IGSF11: variants seen among roughly 807,000 people sequenced by gnomAD.
IGSF11 encodes CXADR like 1.
A neutral mutation model predicts 41.0 loss-of-function variants in IGSF11; 22 were observed. The observed-to-expected ratio is 0.54, with a 90% CI of 0.38 to 0.77. IGSF11 has a LOEUF of 0.77. Among genes scored for constraint, IGSF11 ranks in the 30% least tolerant of loss-of-function variants. IGSF11 has a pLI of 0.00. For missense variants in IGSF11, 444 were observed against 530.8 expected, an observed-to-expected ratio of 0.84 and a Z score of 1.61; for synonymous variants, 219 against 201.3, an observed-to-expected ratio of 1.09 and a Z score of -0.74.
At chr3:119,081,557 T>C (rs2117768) in intron 1 of IGSF11, among the ~76,000 whole-genome samples, 1 of 152,050 alleles carries the variant, frequency 6.6e-6, no homozygotes, top group South Asian at 2.1e-4. Flanking sequence ...TTAAAAAGCG[T>C]TTCTTTTCTA....
At chr3:119,132,962 G>A (rs1441166074) in intron 1 of IGSF11, among the ~76,000 whole-genome samples, 3 of 152,152 alleles carry the variant, frequency 2.0e-5, no homozygotes, top group Non-Finnish European at 4.4e-5. Context: ...TCTCCTGAAT[G>A]GCTACTGGGT....
intron 1 of IGSF11, among the ~76,000 whole-genome samples, chr3:119,058,449 G>A (rs1240119295): frequency 2.0e-5 from 3 of 151,984 alleles, no homozygotes; most frequent in African/African-American, 7.2e-5. Flanking sequence ...AGTTAGAATG[G>A]CAATCATTAA....
chr3:118,979,332 CTATTTAAT>C (rs2107633001), intron 1 of IGSF11, among the ~76,000 whole-genome samples: 1 of 152,176 alleles, frequency 6.6e-6, no homozygotes, highest in East Asian at 1.9e-4. Flanking sequence ...GTTAGAAAAA[CTATTTAAT>C]AAAATAACAG....
In IGSF11 at chr3:118,902,401, T is replaced by A; in HGVS notation, c.*119A>T. 2.5e-6 allele frequency: 2 copies of A among 784,606 alleles called. No homozygotes were observed. The highest frequency in any genetic ancestry group is 4.1e-6 in the Non-Finnish European group (2 of 485,218). 48.6% of individuals were successfully genotyped at this position (784,606 alleles called of 1,614,324 possible). A position where few individuals can be genotyped will look rare whatever the true frequency, so the allele number is the denominator to read the frequency against. ...AGTAACAGCACTGCCTTCTTCTTTG[T>A]GCATTTTACTAATATAATTATAAGG... On this transcript the variant is annotated 3_prime_UTR_variant, in exon 7 of 7. Coordinates refer to ENST00000393775, the MANE Select transcript of IGSF11 (RefSeq NM_001015887.3).
intron 1 of IGSF11, among the ~76,000 whole-genome samples, chr3:119,041,533 C>T (rs144976554): frequency 2.0e-5 from 3 of 151,958 alleles, no homozygotes; most frequent in South Asian, 2.1e-4. Flanking sequence ...TGCTGTGAGC[C>T]GAGATCATGC....
intron 1 of IGSF11, among the ~76,000 whole-genome samples, chr3:119,092,983 C>T (rs145314911): frequency 6.6e-6 from 1 of 152,110 alleles, no homozygotes; most frequent in East Asian, 1.9e-4. Context: ...GTAGACTATC[C>T]CATCGAGGTT....
intron 1 of IGSF11, among the ~76,000 whole-genome samples, chr3:119,115,925 G>A (rs1429713460): frequency 6.6e-6 from 1 of 152,048 alleles, no homozygotes; most frequent in Admixed American, 6.6e-5. Flanking sequence ...AAAGCCTTAG[G>A]AAAACATTTT....
At chr3:119,087,809 A>G (rs962445803) in intron 1 of IGSF11, among the ~76,000 whole-genome samples, 1 of 152,098 alleles carries the variant, frequency 6.6e-6, no homozygotes, top group Non-Finnish European at 1.5e-5. Context: ...TAAATAAGGA[A>G]AAAAATTAAG....
intron 1 of IGSF11, among the ~76,000 whole-genome samples, chr3:118,960,234 G>GA (rs1370650514): frequency 3.3e-5 from 5 of 151,848 alleles, no homozygotes; most frequent in African/African-American, 4.8e-5. Flanking sequence ...TATATACCAA[G>GA]AAAAAAATCA....
chr3:118,966,266 G>GC (rs1945668803), intron 1 of IGSF11, among the ~76,000 whole-genome samples: 1 of 152,098 alleles, frequency 6.6e-6, no homozygotes, highest in Non-Finnish European at 1.5e-5. Flanking sequence ...CTTCACAAAT[G>GC]CCCCTAATAA....
At chr3:118,989,158 C>G (rs562180437) in intron 1 of IGSF11, among the ~76,000 whole-genome samples, 1 of 152,286 alleles carries the variant, frequency 6.6e-6, no homozygotes, top group African/African-American at 2.4e-5. Flanking sequence ...ATCAATCAGA[C>G]ACAACCCTTG....
At chr3:118,925,670 T>C (rs1942226429) in intron 4 of IGSF11, among the ~76,000 whole-genome samples, 1 of 152,170 alleles carries the variant, frequency 6.6e-6, no homozygotes, top group South Asian at 2.1e-4. Flanking sequence ...TACTCTTTCT[T>C]ATCTTCCTCC....
Position 119,022,961 on chromosome 3 carries a change from G to GA in IGSF11, c.52+11569dup, listed in dbSNP as rs199829577. Among the ~76,000 whole-genome samples, 780 of 146,304 alleles carry GA rather than the reference G, an allele frequency of 5.3e-3. 19 individuals are homozygous for GA. Among genetic ancestry groups the GA allele is most frequent in the East Asian group, 0.036 (180 of 5,040 alleles). ...CATTATTCATTGTAGGCCAAAACTAGAAAAAAAAAAATGTCTTTGGCTGAG... is the reference window on the plus strand; with the variant it reads ...CATTATTCATTGTAGGCCAAAACTAGAAAAAAAAAAAATGTCTTTGGCTGAG... On this transcript the variant is annotated intron_variant, in intron 1 of 6. Transcript: ENST00000393775.
intron 1 of IGSF11, among the ~76,000 whole-genome samples, chr3:118,977,490 A>G (rs941547668): frequency 2.6e-5 from 4 of 152,210 alleles, no homozygotes; most frequent in African/African-American, 4.8e-5. Flanking sequence ...TCCTCCACTA[A>G]GAAGAAACAA....
At chr3:119,083,392 T>G (rs1183828449) in intron 1 of IGSF11, among the ~76,000 whole-genome samples, 2 of 152,096 alleles carry the variant, frequency 1.3e-5, no homozygotes, top group African/African-American at 4.8e-5. Flanking sequence ...CATGGGCCAC[T>G]GCACCTGGTA....
At chr3:118,931,383 T>C (rs1187806828) in intron 1 of IGSF11, among the ~76,000 whole-genome samples, 1 of 152,196 alleles carries the variant, frequency 6.6e-6, no homozygotes, top group African/African-American at 2.4e-5. Flanking sequence ...TTATATCATG[T>C]CCTGAAAAGG....
At chr3:119,108,048 T>A (rs2107514451), upstream of IGSF11, among the ~76,000 whole-genome samples, 1 of 151,872 alleles carries the variant, frequency 6.6e-6, no homozygotes, top group East Asian at 1.9e-4. Flanking sequence ...TTCTTTTGGC[T>A]TAGGATTGAC....
chr3:118,926,519 T>C (rs1434352778), intron 3 of IGSF11, among the ~76,000 whole-genome samples: 1 of 152,182 alleles, frequency 6.6e-6, no homozygotes, highest in Non-Finnish European at 1.5e-5. Context: ...TTCCAAGGTA[T>C]CTTAAGATCT....
At chr3:119,052,845 T>A (rs1941679646) in intron 1 of IGSF11, among the ~76,000 whole-genome samples, 1 of 151,978 alleles carries the variant, frequency 6.6e-6, no homozygotes, top group African/African-American at 2.4e-5. Flanking sequence ...TTTAACATAC[T>A]CAAGTCAATA....
Sources: gnomAD v4.1 joint callset for allele counts (sites outside exome capture counted in the v4.1 genomes callset) on GRCh38, gnomAD v4.1.1 for gene constraint, MANE v1.5 for transcripts, NCBI Gene and HGNC (gene_info 2026-07-23, HGNC 2026-07-21) for gene names.